Variants in PRKN observed in about 807,000 individuals in gnomAD.
The protein encoded by PRKN is E3 ubiquitin-protein ligase parkin.
In PRKN, 56 loss-of-function variants were observed where a neutral mutation model predicts 59.5. The ratio of observed to expected loss-of-function variants is 0.94; its 90% CI spans 0.76 to 1.18. The LOEUF (loss-of-function observed/expected upper bound fraction) is 1.18, where lower values mean the gene tolerates loss of function less well. Ranked by LOEUF, PRKN falls within the 50% of genes most tolerant of loss-of-function variation. PRKN has a pLI of 0.00. For missense variants in PRKN, 657 were observed against 596.4 expected (o/e 1.10, Z -1.06); for synonymous variants, 250 against 222.1 (o/e 1.13, Z -1.12).
intron 2 of PRKN, among the ~76,000 whole-genome samples, chr6:162,347,203 C>T (rs1426009910): frequency 6.7e-6 from 1 of 148,764 alleles, no homozygotes; most frequent in Middle Eastern, 3.5e-3. Flanking sequence ...TTTCTGACAT[C>T]TTATGTTGGA....
At chr6:161,452,237 C>T (rs1238460820) in intron 9 of PRKN, among the ~76,000 whole-genome samples, 1 of 152,176 alleles carries the variant, frequency 6.6e-6, no homozygotes, top group African/African-American at 2.4e-5. Flanking sequence ...AGGCATGAGC[C>T]ACTGCGCCCG....
chr6:162,212,920 T>C (rs955857008), intron 3 of PRKN, among the ~76,000 whole-genome samples: 4 of 152,204 alleles, frequency 2.6e-5, no homozygotes, highest in African/African-American at 9.6e-5. Flanking sequence ...TGTGACATTA[T>C]GAGGGCTATG....
chr6:162,188,407 A>G (rs1784118443), intron 4 of PRKN, among the ~76,000 whole-genome samples: 1 of 152,086 alleles, frequency 6.6e-6, no homozygotes, highest in Non-Finnish European at 1.5e-5. Context: ...CTGCCTCTTC[A>G]TTCTCCAACC....
chr6:161,901,281 C>T (rs191863078), intron 6 of PRKN, among the ~76,000 whole-genome samples: 20 of 152,090 alleles, frequency 1.3e-4, no homozygotes, highest in Admixed American at 1.0e-3. Flanking sequence ...CAGTTTGGAT[C>T]GATGGCCCAA....
chr6:161,978,333 AG>A (rs1781132001), intron 5 of PRKN, among the ~76,000 whole-genome samples: 1 of 152,204 alleles, frequency 6.6e-6, no homozygotes, highest in Non-Finnish European at 1.5e-5. Flanking sequence ...TACAGGTGTG[AG>A]CCACTGTGCC....
At chr6:161,642,359 C>T (rs917629698) in intron 7 of PRKN, among the ~76,000 whole-genome samples, 3 of 152,092 alleles carry the variant, frequency 2.0e-5, no homozygotes, top group Non-Finnish European at 2.9e-5. Context: ...ATATTTGATG[C>T]CTTGCTTATT....
intron 7 of PRKN, among the ~76,000 whole-genome samples, chr6:161,780,998 A>C (rs1790181185): frequency 6.6e-6 from 1 of 152,220 alleles, no homozygotes; most frequent in Non-Finnish European, 1.5e-5. Context: ...ATATTTTCTC[A>C]TGAGTGAGTA....
intron 2 of PRKN, among the ~76,000 whole-genome samples, chr6:162,381,612 A>G (rs1319669479): frequency 6.6e-6 from 1 of 152,218 alleles, no homozygotes; most frequent in Non-Finnish European, 1.5e-5. Context: ...ATTAAACACC[A>G]CAATACTCTC....
intron 2 of PRKN, among the ~76,000 whole-genome samples, chr6:162,429,355 T>C (rs1263848317): frequency 2.6e-5 from 4 of 152,138 alleles, no homozygotes; most frequent in Admixed American, 1.3e-4. Context: ...ACCTTGTCTG[T>C]CTTACCCATC....
rs986644234 is a variant in PRKN at position 161,525,457 on chromosome 6, G to A, written c.1083+23397C>T. On this transcript the variant is annotated intron_variant, in intron 9 of 11. Coordinates refer to ENST00000366898, the MANE Select transcript of PRKN (RefSeq NM_004562.3). The surrounding 1 kb of genome is among the most constrained non-coding windows in gnomAD (Gnocchi z 4.7). Reference sequence around the variant, plus strand: ...TTTCAGCTTTGCCCTCTAAATACTGGAATAAAAGGGCCAACAGGTCAGGGA... The same window carrying A: ...TTTCAGCTTTGCCCTCTAAATACTGAAATAAAAGGGCCAACAGGTCAGGGA... Among the ~76,000 whole-genome samples, 1 of 152,132 alleles carries A rather than the reference G, an allele frequency of 6.6e-6. No individual in the cohort carries two copies. The highest frequency in any genetic ancestry group is 2.4e-5 in the African/African-American group (1 of 41,426).
chr6:161,811,015 A>T (rs1019997058), intron 6 of PRKN, among the ~76,000 whole-genome samples: 4 of 152,190 alleles, frequency 2.6e-5, no homozygotes, highest in African/African-American at 9.7e-5. Context: ...TAAAATAGTA[A>T]TTCTCAAAAT....
intron 1 of PRKN, among the ~76,000 whole-genome samples, chr6:162,547,902 A>C (rs1041436952): frequency 1.3e-5 from 2 of 151,950 alleles, no homozygotes; most frequent in African/African-American, 4.8e-5. Context: ...AACAGGGCCA[A>C]GATCCGATAA....
chr6:161,490,332 G>T (rs1185724265), intron 9 of PRKN, among the ~76,000 whole-genome samples: 4 of 75,606 alleles, frequency 5.3e-5, no homozygotes, highest in Non-Finnish European at 8.8e-5. Context: ...TTGCTTGCTT[G>T]CTTGCTTTCT....
intron 7 of PRKN, among the ~76,000 whole-genome samples, chr6:161,577,758 G>GT (rs1781187742): frequency 6.6e-6 from 1 of 152,100 alleles, no homozygotes; most frequent in Non-Finnish European, 1.5e-5. Flanking sequence ...GTATTTTCTG[G>GT]TTTTTTGCAG....
Position 161,497,577 on chromosome 6 carries a change from T to TCTCTCTCACA in PRKN, c.1083+51276_1083+51277insTGTGAGAGAG, listed in dbSNP as rs369404858. Among the ~76,000 whole-genome samples, 38 of 147,478 alleles carry TCTCTCTCACA rather than the reference T, an allele frequency of 2.6e-4. 1 individual carries two copies. Among genetic ancestry groups the TCTCTCTCACA allele is most frequent in the African/African-American group, 5.5e-4 (22 of 39,800 alleles). ...ATGTCTCTCTCTCTCTCTCTCTCTC[T>TCTCTCTCACA]CACACACACACACACACACACCATA... On this transcript the variant is annotated intron_variant, in intron 9 of 11. Coordinates refer to ENST00000366898, the MANE Select transcript of PRKN (RefSeq NM_004562.3). The surrounding 1 kb of genome is among the most constrained non-coding windows in gnomAD (Gnocchi z 4.6).
At chr6:162,720,683 C>T (rs1213128094) in intron 1 of PRKN, among the ~76,000 whole-genome samples, 1 of 151,768 alleles carries the variant, frequency 6.6e-6, no homozygotes. Context: ...ATCTCCTGAC[C>T]TCATGATCCA....
intron 5 of PRKN, among the ~76,000 whole-genome samples, chr6:162,016,768 G>A (rs903714253): frequency 6.6e-6 from 1 of 152,090 alleles, no homozygotes; most frequent in Non-Finnish European, 1.5e-5. Flanking sequence ...GCCTTTACCA[G>A]GGAGATGTCA....
At position 161,548,967 on chromosome 6, in the gene PRKN, C is replaced by G. The variant is rs1583215588; in HGVS notation, c.970G>C (p.Val324Leu). The G allele has an allele frequency of 6.2e-7, 1 of 1,614,192 alleles. No homozygotes were observed. The highest frequency in any genetic ancestry group is 2.2e-5 in the East Asian group (1 of 44,872). The change falls in exon 9 of 12, where the codon GTC becomes CTC. Residue 324 changes from valine to leucine, a missense_variant. Val to Leu is a conservative substitution (Grantham distance 32, BLOSUM62 1). Transcript: ENST00000366898. This position sits in a 1 kb window ranked among gnomAD's most constrained non-coding sequence, Gnocchi z 4.2. ...RYQQYGAEEC[V>L]LQMGGVLCPR... ...CATAACACGCCCCCCATCTGCAGGA[C>G]ACACTCCTCTGCACCATACTGCTGG...
At chr6:162,138,407 G>T (rs1039954415) in intron 4 of PRKN, among the ~76,000 whole-genome samples, 2 of 152,090 alleles carry the variant, frequency 1.3e-5, no homozygotes, top group African/African-American at 4.8e-5. Context: ...AATTGATGTC[G>T]ACTAGCTCAA....
Sources: gnomAD v4.1 joint callset for allele counts (sites outside exome capture counted in the v4.1 genomes callset) on GRCh38, gnomAD v4.1.1 for gene constraint, Gnocchi (gnomAD v3.1) non-coding constraint, MANE v1.5 for transcripts, NCBI Gene and HGNC (gene_info 2026-07-23, HGNC 2026-07-21) for gene names.